EXOSC10: variants seen among roughly 807,000 people sequenced by gnomAD.
EXOSC10 encodes exosome component 10, also known as exosome complex component 10.
In EXOSC10, 94 loss-of-function variants were observed where a neutral mutation model predicts 126.6. The observed-to-expected ratio is 0.74, with a 90% confidence interval of 0.63 to 0.88. The LOEUF is 0.88. Among genes scored for constraint, EXOSC10 ranks in the 40% least tolerant of loss-of-function variants. The pLI is 0.00. For missense variants in EXOSC10, 1,041 were observed against 1,100.5 expected, an observed-to-expected ratio of 0.95 and a Z score of 0.77; for synonymous variants, 395 against 400.8, an observed-to-expected ratio of 0.99 and a Z score of 0.17.
Position 11,067,858 on chromosome 1 carries a change from G to A in EXOSC10, c.2627+150C>T, listed in dbSNP as rs190470609. 8.7e-5 allele frequency: 55 copies of A among 630,620 alleles called. 1 individual carries two copies. The highest frequency in any genetic ancestry group is 6.9e-4 in the East Asian group (25 of 36,102). 39.1% of individuals were successfully genotyped at this position (630,620 alleles called of 1,614,324 possible). ...CTCCCGCCCTTGTTTTCCGAGTGGC[G>A]TGAGGGACCTGGCTGTGGGAGGTTC... On this transcript the variant is annotated intron_variant, in intron 24 of 24. Coordinates refer to ENST00000376936, the MANE Select transcript of EXOSC10 (RefSeq NM_001001998.3).
intron 24 of EXOSC10, 52 bp downstream of exon 24, chr1:11,067,956 G>T: frequency 6.6e-7 from 1 of 1,517,542 alleles, no homozygotes; most frequent in Non-Finnish European, 9.1e-7. Flanking sequence ...ACCACGCAGG[G>T]CAGGTGCTTT....
intron 24 of EXOSC10, among the ~76,000 whole-genome samples, chr1:11,067,372 C>T (rs563102729): frequency 6.6e-6 from 1 of 151,260 alleles, no homozygotes; most frequent in South Asian, 2.1e-4. Context: ...GCGCAGCTTG[C>T]AGTGAGCAGA....
Position 11,081,246 on chromosome 1 carries a change from T to C in EXOSC10, c.1281-8A>G, listed in dbSNP as rs749163196. ...ATCTCCTCGGGCAGAGGGCTGGAAT[T>C]GCAGAGGACAATGTTTTACTGATTG... On this transcript the variant is annotated splice_polypyrimidine_tract_variant and splice_region_variant and intron_variant, in intron 10 of 24. Transcript: ENST00000376936. 2.5e-6 allele frequency: 4 copies of C among 1,614,022 alleles called. No homozygotes were observed. In the East Asian group the frequency reaches 6.7e-5, roughly 27 times the overall value.
Position 11,071,097 on chromosome 1 carries a change from A to G in EXOSC10, c.2243-124T>C, listed in dbSNP as rs1230380442. ...TCACGGCTGATTCCTCCTCCCTCTC[A>G]GGTCCCCGGTCCCCCATCTCTGCAG... is the stretch of plus-strand genomic sequence containing the variant. On this transcript the variant is annotated intron_variant, in intron 20 of 24. Transcript: ENST00000376936. 5 of 777,238 alleles carry G rather than the reference A, an allele frequency of 6.4e-6. No individual in the cohort carries two copies. The Admixed American group carries it at 1.2e-4, about 19-fold the overall frequency. 48.1% of individuals were successfully genotyped at this position (777,238 alleles called of 1,614,324 possible).
intron 6 of EXOSC10, among the ~76,000 whole-genome samples, chr1:11,090,020 T>C (rs1308352657): frequency 1.4e-5 from 2 of 142,994 alleles, no homozygotes; most frequent in African/African-American, 2.6e-5. Flanking sequence ...TTTTTTGAGA[T>C]GGAGTCTTAC....
intron 12 of EXOSC10, 78 bp downstream of exon 12, chr1:11,080,686 G>GA: frequency 6.3e-7 from 1 of 1,599,356 alleles, no homozygotes. Context: ...CATAGCAAAA[G>GA]AAAAAAGCCC....
At chr1:11,096,116 T>C (rs1641070308) in intron 2 of EXOSC10, among the ~76,000 whole-genome samples, 1 of 152,130 alleles carries the variant, frequency 6.6e-6, no homozygotes, top group African/African-American at 2.4e-5. Flanking sequence ...CCTGAGTAGC[T>C]GGGATTATAG....
Position 11,090,646 on chromosome 1 carries a change from T to C in EXOSC10, c.666A>G (p.Glu222=). The C allele has an allele frequency of 6.2e-7, 1 of 1,611,762 alleles. No homozygotes were observed. Among genetic ancestry groups the C allele is most frequent in the African/African-American group, 1.3e-5 (1 of 74,944 alleles). The change falls in exon 6 of 25, where the codon GAA becomes GAG. Residue 222 remains glutamate, a synonymous_variant. Coordinates refer to ENST00000376936, the MANE Select transcript of EXOSC10 (RefSeq NM_001001998.3). ...AGTCCTCAGGACGATCCTGTGGGCG[T>C]TCCCGCCTTTCCTTAGAGAGAGCTG... ...LPQALSKERR[E]RPQDRPEDLD...
At position 11,082,509 on chromosome 1, in the gene EXOSC10, A is replaced by G. The variant is rs889613493; in HGVS notation, c.1280+179T>C. The G allele has an allele frequency of 4.9e-6, 7 of 1,420,620 alleles. No homozygotes were observed. The African/African-American group carries it at 8.6e-5, about 18-fold the overall frequency. The allele number at this position is 1,420,620 out of a possible 1,614,324, so 88.0% of individuals were successfully genotyped here. ...ACTGCATCAGCCCATCATAAAGTCC[A>G]CCTTAGCATTAAAAAATTTCCTACC... is the stretch of plus-strand genomic sequence containing the variant. On this transcript the variant is annotated intron_variant, in intron 10 of 24. Transcript: ENST00000376936.
At chr1:11,097,136 G>T (rs1557722523) in intron 2 of EXOSC10, among the ~76,000 whole-genome samples, 2 of 151,986 alleles carry the variant, frequency 1.3e-5, no homozygotes, top group Non-Finnish European at 2.9e-5. Flanking sequence ...CTTGATCTTG[G>T]GAGGTGGAGG....
At chr1:11,085,595 AATTGAATACCCTTT>A (rs1640449579) in intron 9 of EXOSC10, among the ~76,000 whole-genome samples, 1 of 152,166 alleles carries the variant, frequency 6.6e-6, no homozygotes, top group African/African-American at 2.4e-5. Context: ...CTCTTTGCCT[AATTGAATACCCTTT>A]ATTTCCTTCT....
At chr1:11,069,423 G>T in intron 22 of EXOSC10, 136 bp downstream of exon 22, 2 of 1,038,340 alleles carry the variant, frequency 1.9e-6, no homozygotes, top group Non-Finnish European at 2.8e-6. Flanking sequence ...CGGCCTCTCT[G>T]GACTACTCCA....
rs756142912 is a variant in EXOSC10 at position 11,095,762 on chromosome 1, C to G, written c.368G>C (p.Arg123Thr). Residue 123 changes from arginine (R) to threonine (T), a missense_variant, in exon 3 of 25, where the codon AGA (arginine) becomes ACA (threonine). Around this residue, in one of 3 missense-constraint regions of EXOSC10, gnomAD observed 645 missense variants for 656.3 expected, o/e 0.98. Transcript: ENST00000376936. ...LVDANDVILE[R>T]VGILLDEASG... ...AGAGTAAGGGAAAATACTCACCACT[C>G]TCTCCAGAATTACATCATTGGCATC... 3 of 1,613,892 alleles carry G rather than the reference C, an allele frequency of 1.9e-6. No individual in the cohort carries two copies. The highest frequency in any genetic ancestry group is 2.2e-5 in the East Asian group (1 of 44,880).
Position 11,095,668 on chromosome 1 carries a change from C to G in EXOSC10, c.372+90G>C. The G allele has an allele frequency of 2.5e-6, 3 of 1,195,016 alleles. No individual in the cohort carries two copies. The South Asian group carries it at 4.0e-5, about 16-fold the overall frequency. 74.0% of individuals were successfully genotyped at this position (1,195,016 alleles called of 1,614,324 possible). On this transcript the variant is annotated intron_variant, in intron 3 of 24. Coordinates refer to ENST00000376936, the MANE Select transcript of EXOSC10 (RefSeq NM_001001998.3). ...GGCAGAGCTTGCAGTGAGTCGAGAT[C>G]GCATCACTGCACTCCAGCCTGGGCG...
In EXOSC10 at chr1:11,095,791, T is replaced by C; in HGVS notation, c.339A>G (p.Leu113=). 6.2e-7 allele frequency: 1 copy of C among 1,614,134 alleles called. No homozygotes were observed. The highest frequency in any genetic ancestry group is 8.5e-7 in the Non-Finnish European group (1 of 1,179,942). ...VTELEDKFDL[L]VDANDVILER... is the part of the protein sequence containing the mutation. The stretch of plus-strand genomic sequence containing the variant: ...CCAGAATTACATCATTGGCATCAAC[T>C]AGTAAATCAAACTTGTCTTCCAGCT... Residue 113 remains leucine, a synonymous_variant, in exon 3 of 25, where the codon CTA becomes CTG. Transcript: ENST00000376936.
chr1:11,077,257 C>T, intron 16 of EXOSC10, 108 bp downstream of exon 16: 2 of 1,145,672 alleles, frequency 1.7e-6, no homozygotes, highest in Non-Finnish European at 2.5e-6. Flanking sequence ...TTCCAATATG[C>T]TGGCATTACA....
At position 11,066,734 on chromosome 1, in the gene EXOSC10, T is replaced by C. The variant is rs144788352; in HGVS notation, c.2642A>G (p.Asn881Ser). ...TGKSDRGFRYNWPQR is the reference protein window; with the variant it reads ...TGKSDRGFRYSWPQR The stretch of plus-strand genomic sequence containing the variant: ...CTTCCAGGACTATCTCTGTGGCCAG[T>C]TGTACCTGAAGCCTCTGCAGAGAGT... Residue 881 changes from asparagine (N) to serine (S), a missense_variant, in exon 25 of 25, where the codon AAC becomes AGC. By Grantham distance (46) the Asn-to-Ser change is conservative (BLOSUM62 1). Around this residue, in one of 3 missense-constraint regions of EXOSC10, gnomAD observed 388 missense variants for 415.2 expected, o/e 0.93. Transcript: ENST00000376936. 1.6e-4 allele frequency: 262 copies of C among 1,614,094 alleles called. No individual in the cohort carries two copies. The highest frequency in any genetic ancestry group is 2.2e-4 in the Non-Finnish European group (256 of 1,180,028).
Position 11,072,071 on chromosome 1 carries a change from A to C in EXOSC10, c.2242+16T>G. On this transcript the variant is annotated intron_variant, in intron 20 of 24. Transcript: ENST00000376936. The stretch of plus-strand genomic sequence containing the variant: ...TTCTTTAACAGCCGACTGAGTTGCA[A>C]GGAAGTGAGTGTTACCTGTTTGCTC... The C allele has an allele frequency of 6.2e-7, 1 of 1,602,838 alleles. No individual in the cohort carries two copies. Among genetic ancestry groups the C allele is most frequent in the Non-Finnish European group, 8.5e-7 (1 of 1,173,262 alleles).
chr1:11,066,652 T>C lies in EXOSC10; in HGVS notation c.*66A>G, dbSNP rs3189917. ...GAAGAATTTTAATGGTTTAAAAATA[T>C]GTATGTACAAAAGCAGCACCAGCAT... On this transcript the variant is annotated 3_prime_UTR_variant, in exon 25 of 25. Coordinates refer to ENST00000376936, the MANE Select transcript of EXOSC10 (RefSeq NM_001001998.3). The C allele has an allele frequency of 2.5e-3, 3,786 of 1,541,368 alleles. 16 individuals are homozygous for C. Among genetic ancestry groups the C allele is most frequent in the Non-Finnish European group, 3.1e-3 (3,439 of 1,114,030 alleles).
Sources: gnomAD v4.1 joint callset for allele counts (sites outside exome capture counted in the v4.1 genomes callset) on GRCh38, gnomAD v4.1.1 for gene constraint, gnomAD v4.1.1 regional missense constraint, MANE v1.5 for transcripts, NCBI Gene and HGNC (gene_info 2026-07-23, HGNC 2026-07-21) for gene names.